Variants in ST3GAL1 observed in about 807,000 individuals in gnomAD.
The protein encoded by ST3GAL1 is CMP-N-acetylneuraminate-beta-galactosamide-alpha-2,3-sialyltransferase 1.
In ST3GAL1, 16 loss-of-function variants were observed where a neutral mutation model predicts 34.1. That is an observed-to-expected ratio of 0.47 (90% CI 0.32 to 0.71). The LOEUF is 0.71. Ranked by LOEUF, ST3GAL1 falls within the 30% of genes least tolerant of loss-of-function variation. The pLI is 0.04. For missense variants in ST3GAL1, 353 were observed against 447.4 expected, an observed-to-expected ratio of 0.79 and a Z score of 1.90; for synonymous variants, 191 against 184.7, an observed-to-expected ratio of 1.03 and a Z score of -0.28.
intron 3 of ST3GAL1, among the ~76,000 whole-genome samples, chr8:133,498,208 G>A (rs1164342276): frequency 1.3e-5 from 2 of 152,226 alleles, no homozygotes. Flanking sequence ...CAGTTCATCC[G>A]ACTCCCTGAC....
intron 2 of ST3GAL1, among the ~76,000 whole-genome samples, chr8:133,500,789 T>A (rs1266639233): frequency 6.6e-6 from 1 of 152,250 alleles, no homozygotes; most frequent in Admixed American, 6.5e-5. Context: ...ACTATCATCA[T>A]CTTCATCATC....
intron 1 of ST3GAL1, among the ~76,000 whole-genome samples, chr8:133,550,834 AC>A (rs1252041113): frequency 6.6e-6 from 1 of 152,146 alleles, no homozygotes; most frequent in Non-Finnish European, 1.5e-5. Context: ...CCCTCATGCC[AC>A]CTGAGGCTCC....
At chr8:133,564,891 C>T (rs1456120690) in intron 1 of ST3GAL1, among the ~76,000 whole-genome samples, 2 of 152,212 alleles carry the variant, frequency 1.3e-5, no homozygotes, top group Non-Finnish European at 2.9e-5. Context: ...AACCTTAACA[C>T]TTAAACTATT....
chr8:133,561,216 T>C (rs1819213114), intron 1 of ST3GAL1, among the ~76,000 whole-genome samples: 1 of 151,344 alleles, frequency 6.6e-6, no homozygotes, highest in African/African-American at 2.4e-5. Context: ...TCCTCCCCTC[T>C]GGCCTCTGTT....
In ST3GAL1 at chr8:133,498,616, A is replaced by G. The variant is rs1376529678; in HGVS notation, c.-374+519T>C. Among the ~76,000 whole-genome samples the G allele has an allele frequency of 2.0e-5, 3 of 152,350 alleles. No homozygotes were observed. The East Asian group carries it at 5.8e-4, about 29-fold the overall frequency. ...CAGACTTCCTTTGGCTTTTGCAAAA[A>G]CAACAAAACCAAAAATACTACAAAC... On this transcript the variant is annotated intron_variant, in intron 3 of 9. Transcript: ENST00000522652.
chr8:133,541,361 C>A (rs1312823937), intron 2 of ST3GAL1, among the ~76,000 whole-genome samples: 3 of 151,964 alleles, frequency 2.0e-5, no homozygotes, highest in Non-Finnish European at 4.4e-5. Context: ...CCCAGGAAAG[C>A]ACTCTGCAAG....
At chr8:133,549,757 G>A (rs988684626) in intron 1 of ST3GAL1, among the ~76,000 whole-genome samples, 4 of 152,156 alleles carry the variant, frequency 2.6e-5, no homozygotes, top group Non-Finnish European at 5.9e-5. Flanking sequence ...GAGGTCGGAG[G>A]TTCGAGACCA....
intron 2 of ST3GAL1, among the ~76,000 whole-genome samples, chr8:133,523,617 C>T (rs1352617647): frequency 1.3e-5 from 2 of 152,194 alleles, no homozygotes; most frequent in South Asian, 2.1e-4. Flanking sequence ...AAAGCAAAGT[C>T]GACTCTCATG....
At chr8:133,542,663 T>C (rs559555240) in intron 2 of ST3GAL1, among the ~76,000 whole-genome samples, 1 of 150,928 alleles carries the variant, frequency 6.6e-6, no homozygotes, top group African/African-American at 2.4e-5. Flanking sequence ...TAATCCCAGA[T>C]ACTCAGGAGG....
rs1819566497 is a variant in ST3GAL1 at position 133,571,455 on chromosome 8, G to A, written c.-582+238C>T. Among the ~76,000 whole-genome samples, 1 of 152,128 alleles carries A rather than the reference G, an allele frequency of 6.6e-6. No homozygotes were observed. The highest frequency in any genetic ancestry group is 1.5e-5 in the Non-Finnish European group (1 of 68,020). ...CCTTCTTCCTCTCCCAAAGCCCTGG[G>A]TGGTCGCCGCTGCCAAGGAAGGGGT... On this transcript the variant is annotated intron_variant, in intron 1 of 9. Coordinates refer to ENST00000522652, the MANE Select transcript of ST3GAL1 (RefSeq NM_173344.3). This position sits in a 1 kb window ranked among gnomAD's most constrained non-coding sequence, Gnocchi z 6.7.
intron 3 of ST3GAL1, among the ~76,000 whole-genome samples, chr8:133,497,637 T>C (rs748238394): frequency 3.4e-4 from 51 of 151,964 alleles, no homozygotes; most frequent in Non-Finnish European, 1.3e-4. Flanking sequence ...CATGCCTGGC[T>C]AATTTTTGTA....
chr8:133,505,708 GTC>G (rs1244569407), intron 2 of ST3GAL1, among the ~76,000 whole-genome samples: 8 of 151,724 alleles, frequency 5.3e-5, no homozygotes, highest in Non-Finnish European at 1.0e-4. Context: ...GTTCAAGCGA[GTC>G]TCCTGCCTCA....
chr8:133,543,793 ACATCAT>A (rs76541813), intron 2 of ST3GAL1, among the ~76,000 whole-genome samples: 6 of 151,172 alleles, frequency 4.0e-5, no homozygotes, highest in Non-Finnish European at 5.9e-5. Context: ...ATCACTGTTA[ACATCAT>A]CATCATCATC....
Position 133,469,223 on chromosome 8 carries a change from A to G in ST3GAL1, c.307-3133T>C, listed in dbSNP as rs1269141013. Among the ~76,000 whole-genome samples the G allele has an allele frequency of 6.6e-6, 1 of 151,894 alleles. No homozygotes were observed. Among genetic ancestry groups the G allele is most frequent in the Non-Finnish European group, 1.5e-5 (1 of 67,952 alleles). ...AATAAATTGATTGATTGATTGATTGATTTGATTTGATTTGATATGGAGTCT... is the reference window on the plus strand; with the variant it reads ...AATAAATTGATTGATTGATTGATTGGTTTGATTTGATTTGATATGGAGTCT... On this transcript the variant is annotated intron_variant, in intron 5 of 9. Transcript: ENST00000522652. The surrounding 1 kb of genome is among the most constrained non-coding windows in gnomAD (Gnocchi z 4.3).
At chr8:133,515,758 CAAAACA>C (rs1265527312) in intron 2 of ST3GAL1, 1 of 152,078 alleles carries the variant, frequency 6.6e-6, no homozygotes, top group Non-Finnish European at 1.5e-5. Context: ...TCAGTTAAAC[CAAAACA>C]AATGATTTCA....
chr8:133,505,525 C>A (rs1817304145), intron 2 of ST3GAL1, among the ~76,000 whole-genome samples: 1 of 152,158 alleles, frequency 6.6e-6, no homozygotes, highest in Non-Finnish European at 1.5e-5. Flanking sequence ...TGTTGGCTTG[C>A]AAATAGGTTG....
chr8:133,466,181 G>T lies in ST3GAL1; in HGVS notation c.307-91C>A, dbSNP rs529128666. ...CCTGAGCTACCTGCTGTCGTTTACTGGGGCCCTCCTGTTCACCCTTCTCTC... is the reference window on the plus strand; with the variant it reads ...CCTGAGCTACCTGCTGTCGTTTACTTGGGCCCTCCTGTTCACCCTTCTCTC... On this transcript the variant is annotated intron_variant, in intron 5 of 9. Coordinates refer to ENST00000522652, the MANE Select transcript of ST3GAL1 (RefSeq NM_173344.3). This position sits in a 1 kb window ranked among gnomAD's most constrained non-coding sequence, Gnocchi z 4.4. 9 of 1,353,736 alleles carry T rather than the reference G, an allele frequency of 6.6e-6. No individual in the cohort carries two copies. In the East Asian group the frequency reaches 2.2e-4, roughly 32 times the overall value. 83.9% of individuals were successfully genotyped at this position (1,353,736 alleles called of 1,614,324 possible).
chr8:133,561,136 T>C (rs1819210694), intron 1 of ST3GAL1, among the ~76,000 whole-genome samples: 1 of 147,044 alleles, frequency 6.8e-6, no homozygotes, highest in Non-Finnish European at 1.5e-5. Context: ...TTTTGCTTGC[T>C]GCCAGTTAAT....
In ST3GAL1 at chr8:133,458,886, CTT is replaced by C. The variant is rs61689158; in HGVS notation, c.*876_*877del. On this transcript the variant is annotated 3_prime_UTR_variant, in exon 10 of 10. Coordinates refer to ENST00000522652, the MANE Select transcript of ST3GAL1 (RefSeq NM_173344.3). Reference sequence around the variant, plus strand: ...CCAAGTTTGGGGTTTTTTTTCTTTTCTTTTTTTTTTTTTTTCAGAGACAGGGT... The same window carrying C: ...CCAAGTTTGGGGTTTTTTTTCTTTTCTTTTTTTTTTTTTCAGAGACAGGGT... The C allele has an allele frequency of 2.5e-4, 35 of 137,886 alleles. No individual in the cohort carries two copies. The highest frequency in any genetic ancestry group is 1.1e-3 in the East Asian group (5 of 4,636). The allele number at this position is 137,886 out of a possible 1,614,324, so 8.5% of individuals were successfully genotyped here.
Sources: gnomAD v4.1 joint callset for allele counts (sites outside exome capture counted in the v4.1 genomes callset) on GRCh38, gnomAD v4.1.1 for gene constraint, Gnocchi (gnomAD v3.1) non-coding constraint, MANE v1.5 for transcripts, NCBI Gene and HGNC (gene_info 2026-07-23, HGNC 2026-07-21) for gene names.